GABPB2: variants seen among roughly 807,000 people sequenced by gnomAD.
GABPB2 encodes GA binding protein transcription factor subunit beta 2.
Under a neutral mutation model 39.1 loss-of-function variants are expected in GABPB2, and 23 were observed. The observed-to-expected ratio is 0.59, with a 90% CI of 0.42 to 0.83. The LOEUF (loss-of-function observed/expected upper bound fraction) is 0.83. Among genes scored for constraint, GABPB2 ranks in the 40% least tolerant of loss-of-function variants. The pLI, the probability that GABPB2 is intolerant of heterozygous loss-of-function variation, is 0.00. For synonymous variants in GABPB2, 184 were observed against 199.3 expected, an observed-to-expected ratio of 0.92 and a Z score of 0.65; for missense variants, 467 against 541.1, an observed-to-expected ratio of 0.86 and a Z score of 1.36.
At chr1:151,096,060 A>T (rs1679076122) in intron 4 of GABPB2, among the ~76,000 whole-genome samples, 1 of 150,122 alleles carries the variant, frequency 6.7e-6, no homozygotes, top group Non-Finnish European at 1.5e-5. Context: ...AAGGAATTTC[A>T]CAATATCCAA....
rs186058691 is a variant in GABPB2, at chr1:151,122,948, G to C, written c.*4692G>C. ...ATCCCAGATAAGGGAAATAGGATTT[G>C]ATCTCCAATTGTATTGCCATGGAGA... On this transcript the variant is annotated 3_prime_UTR_variant, in exon 9 of 9. Coordinates refer to ENST00000368918, the MANE Select transcript of GABPB2 (RefSeq NM_144618.3). The C allele has an allele frequency of 9.9e-5, 15 of 152,200 alleles. No homozygotes were observed. Among genetic ancestry groups the C allele is most frequent in the Admixed American group, 9.2e-4 (14 of 15,256 alleles). The allele number at this position is 152,200 out of a possible 1,614,324, so 9.4% of individuals were successfully genotyped here.
chr1:151,100,570 T>C (rs1679433588), intron 5 of GABPB2, among the ~76,000 whole-genome samples: 1 of 144,020 alleles, frequency 6.9e-6, no homozygotes, highest in Non-Finnish European at 1.5e-5. Context: ...TGTGAGCCAC[T>C]GTGCCTGGCC....
intron 7 of GABPB2, among the ~76,000 whole-genome samples, chr1:151,109,674 T>C (rs990381080): frequency 1.3e-5 from 2 of 151,450 alleles, no homozygotes; most frequent in East Asian, 3.9e-4. Context: ...TTTTTTTTTG[T>C]TTGTTTTGTT....
intron 7 of GABPB2, among the ~76,000 whole-genome samples, chr1:151,110,965 C>G (rs1442576356): frequency 6.6e-6 from 1 of 152,104 alleles, no homozygotes; most frequent in East Asian, 1.9e-4. Flanking sequence ...TTATGTAAAT[C>G]TTCTGTTTTT....
Position 151,097,891 on chromosome 1 carries a change from G to C in GABPB2, c.511G>C (p.Ala171Pro). 1 of 1,614,108 alleles carries C rather than the reference G, an allele frequency of 6.2e-7. No individual in the cohort carries two copies. The highest frequency in any genetic ancestry group is 8.5e-7 in the Non-Finnish European group (1 of 1,179,986). ...QNQVNVNPERANPVTDPVSMA... is the reference protein window; with the variant it reads ...QNQVNVNPERPNPVTDPVSMA... ...TCAGGTGAATGTTAATCCAGAGAGA[G>C]CCAACCCTGTGACTGACCCTGTGAG... Residue 171 changes from alanine (A) to proline (P), a missense_variant, in exon 5 of 9, where the codon GCC (alanine) becomes CCC (proline). Transcript: ENST00000368918.
intron 2 of GABPB2, among the ~76,000 whole-genome samples, chr1:151,089,836 C>T (rs1443053007): frequency 1.3e-5 from 2 of 151,932 alleles, no homozygotes; most frequent in African/African-American, 4.8e-5. Flanking sequence ...TGCGTAAAGT[C>T]ACGTCCTTTA....
At chr1:151,103,289 TC>T (rs1679687197) in intron 5 of GABPB2, among the ~76,000 whole-genome samples, 1 of 151,908 alleles carries the variant, frequency 6.6e-6, no homozygotes, top group African/African-American at 2.4e-5. Context: ...GACCTCGTGA[TC>T]CACCCGCCTC....
At chr1:151,100,712 C>G (rs1039424994) in intron 5 of GABPB2, among the ~76,000 whole-genome samples, 2 of 146,572 alleles carry the variant, frequency 1.4e-5, no homozygotes, top group African/African-American at 5.0e-5. Flanking sequence ...CCTCAACCTC[C>G]TAAGTAGCTG....
intron 1 of GABPB2, 123 bp from the exon 2 acceptor site, chr1:151,088,067 A>T: frequency 3.1e-6 from 2 of 647,520 alleles, no homozygotes; most frequent in Non-Finnish European, 5.5e-6. Flanking sequence ...GACCTACCAG[A>T]CAGTCAACTT....
intron 5 of GABPB2, among the ~76,000 whole-genome samples, chr1:151,098,871 G>C (rs587733223): frequency 1.6e-4 from 25 of 152,236 alleles, no homozygotes; most frequent in Non-Finnish European, 3.1e-4. Context: ...ATCACCTGAA[G>C]TCAGAAGTTT....
chr1:151,082,123 C>A (rs920902722), intron 1 of GABPB2, among the ~76,000 whole-genome samples: 1 of 144,620 alleles, frequency 6.9e-6, no homozygotes, highest in Non-Finnish European at 1.5e-5. Flanking sequence ...GTTGCCCAGA[C>A]TGGAGTGCAG....
At chr1:151,078,914 C>T (rs1677420536) in intron 1 of GABPB2, among the ~76,000 whole-genome samples, 2 of 151,908 alleles carry the variant, frequency 1.3e-5, no homozygotes, top group African/African-American at 4.8e-5. Flanking sequence ...TCAAGTGACC[C>T]GCCTGCCTCT....
At chr1:151,088,900 T>C (rs1678434321) in intron 2 of GABPB2, among the ~76,000 whole-genome samples, 1 of 151,934 alleles carries the variant, frequency 6.6e-6, no homozygotes, top group African/African-American at 2.4e-5. Flanking sequence ...CTTGAGAGGC[T>C]GAGGCAGGAG....
At chr1:151,078,448 C>A (rs914716237) in intron 1 of GABPB2, among the ~76,000 whole-genome samples, 3 of 151,718 alleles carry the variant, frequency 2.0e-5, no homozygotes, top group Non-Finnish European at 4.4e-5. Flanking sequence ...AAAAAATTAG[C>A]CGGGCATGGT....
chr1:151,085,123 C>T (rs1182226133), intron 1 of GABPB2, among the ~76,000 whole-genome samples: 2 of 151,538 alleles, frequency 1.3e-5, no homozygotes, highest in Admixed American at 6.6e-5. Context: ...AATGGCCAGG[C>T]GCGGTGGCTC....
At chr1:151,107,274 C>A in intron 7 of GABPB2, 52 bp downstream of exon 7, 2 of 1,195,774 alleles carry the variant, frequency 1.7e-6, no homozygotes, top group Admixed American at 3.2e-5. Context: ...TTAGATACTC[C>A]ATACTCACCT....
intron 1 of GABPB2, among the ~76,000 whole-genome samples, chr1:151,075,600 G>T (rs1297591774): frequency 6.7e-6 from 1 of 149,910 alleles, no homozygotes; most frequent in Non-Finnish European, 1.5e-5. Flanking sequence ...ATTTAGCCAG[G>T]TGGGAGACTG....
At chr1:151,113,308 A>G (rs1373424652) in intron 7 of GABPB2, among the ~76,000 whole-genome samples, 2 of 151,936 alleles carry the variant, frequency 1.3e-5, no homozygotes, top group Non-Finnish European at 2.9e-5. Context: ...CTCTACTAAA[A>G]ATACAAAAAA....
intron 2 of GABPB2, among the ~76,000 whole-genome samples, chr1:151,088,988 CAAA>C (rs10709126): frequency 6.9e-6 from 1 of 144,654 alleles, no homozygotes. Flanking sequence ...AACTCTGTTT[CAAA>C]AAAAAAAAAA....
Sources: allele counts gnomAD v4.1 joint callset (sites outside exome capture counted in the v4.1 genomes callset), GRCh38; gene constraint gnomAD v4.1.1; transcripts MANE v1.5; gene names NCBI Gene and HGNC (gene_info 2026-07-23, HGNC 2026-07-21).